QTMAN: variants seen among roughly 807,000 people sequenced by gnomAD.
QTMAN encodes tRNA-queuosine alpha-mannosyltransferase.
the QTMAN span, among the ~76,000 whole-genome samples, chr2:144,004,409 C>T: frequency 1.3e-5 from 2 of 151,926 alleles, no homozygotes; most frequent in Admixed American, 1.3e-4. Flanking sequence ...TTGATGAATG[C>T]TGAACCAGAA....
the QTMAN span, among the ~76,000 whole-genome samples, chr2:143,978,828 T>A: frequency 6.6e-6 from 1 of 152,342 alleles, no homozygotes; most frequent in East Asian, 1.9e-4. Context: ...GGCTGTAAAT[T>A]CAAACTGACT....
the QTMAN span, among the ~76,000 whole-genome samples, chr2:144,282,537 G>A: frequency 6.6e-6 from 1 of 151,940 alleles, no homozygotes; most frequent in African/African-American, 2.4e-5. Context: ...TGAGGCTAGG[G>A]AAAGGAGAAT....
the QTMAN span, among the ~76,000 whole-genome samples, chr2:144,162,564 A>G: frequency 2.0e-5 from 3 of 152,152 alleles, no homozygotes; most frequent in Non-Finnish European, 1.5e-5. Flanking sequence ...TCAGGGGAAA[A>G]AAACAAAGAG....
chr2:144,271,600 A>G, the QTMAN span, among the ~76,000 whole-genome samples: 2 of 152,168 alleles, frequency 1.3e-5, no homozygotes, highest in African/African-American at 4.8e-5. Context: ...TAATATAAAT[A>G]ATTACATGTA....
the QTMAN span, among the ~76,000 whole-genome samples, chr2:144,297,560 T>G: frequency 2.0e-5 from 3 of 150,946 alleles, no homozygotes; most frequent in Non-Finnish European, 4.4e-5. Context: ...CCCAGACCTT[T>G]GGGAGCAGGA....
chr2:144,189,078 A>G, the QTMAN span, among the ~76,000 whole-genome samples: 1 of 152,218 alleles, frequency 6.6e-6, no homozygotes, highest in Non-Finnish European at 1.5e-5. Flanking sequence ...CTAGGCCCAG[A>G]CTGTACACTT....
chr2:144,045,137 C>G, the QTMAN span, among the ~76,000 whole-genome samples: 3 of 152,172 alleles, frequency 2.0e-5, no homozygotes, highest in Non-Finnish European at 2.9e-5. Flanking sequence ...ATTTTAAAGA[C>G]GAAGTTCCAC....
chr2:144,067,814 T>C, the QTMAN span, among the ~76,000 whole-genome samples: 6 of 152,220 alleles, frequency 3.9e-5, no homozygotes, highest in Admixed American at 6.5e-5. Context: ...AGAAAGCACA[T>C]GCCACACGTT....
the QTMAN span, among the ~76,000 whole-genome samples, chr2:144,027,297 T>C: frequency 6.6e-6 from 1 of 152,250 alleles, no homozygotes; most frequent in African/African-American, 2.4e-5. Flanking sequence ...CACAGCATTA[T>C]ATTACGTTGT....
chr2:144,007,676 G>A, the QTMAN span: 12 of 577,336 alleles, frequency 2.1e-5, no homozygotes, highest in South Asian at 3.7e-4. Context: ...CAGAAAAAGT[G>A]TAAAAAGTAG....
At chr2:144,008,306 C>T in the QTMAN span, among the ~76,000 whole-genome samples, 1 of 151,876 alleles carries the variant, frequency 6.6e-6, no homozygotes, top group Non-Finnish European at 1.5e-5. Flanking sequence ...ACATACTATA[C>T]ATACAATGGC....
At chr2:143,952,621 T>C in the QTMAN span, 1 of 652,100 alleles carries the variant, frequency 1.5e-6, no homozygotes, top group Non-Finnish European at 2.8e-6. Flanking sequence ...CTTACTCTAA[T>C]GTATTAAAAC....
At chr2:144,222,729 A>G in the QTMAN span, among the ~76,000 whole-genome samples, 6 of 152,020 alleles carry the variant, frequency 3.9e-5, no homozygotes, top group African/African-American at 1.4e-4. Context: ...AATGGAGTGA[A>G]CCCAGGAGGC....
At chr2:144,293,217 G>C in the QTMAN span, among the ~76,000 whole-genome samples, 1 of 152,080 alleles carries the variant, frequency 6.6e-6, no homozygotes, top group Non-Finnish European at 1.5e-5. Context: ...TACAAAAAGA[G>C]AAAAACCATA....
the QTMAN span, among the ~76,000 whole-genome samples, chr2:144,092,029 T>C: frequency 1.3e-5 from 2 of 152,076 alleles, no homozygotes; most frequent in African/African-American, 4.8e-5. Context: ...GAATGTGAAT[T>C]GGGATAGAAG....
the QTMAN span, among the ~76,000 whole-genome samples, chr2:144,194,869 G>C: frequency 6.6e-6 from 1 of 152,076 alleles, no homozygotes; most frequent in African/African-American, 2.4e-5. Flanking sequence ...GTGACTCATA[G>C]ATAAATCTGG....
At chr2:144,069,224 A>C in the QTMAN span, among the ~76,000 whole-genome samples, 2 of 151,844 alleles carry the variant, frequency 1.3e-5, no homozygotes, top group African/African-American at 4.8e-5. Context: ...ACACTGTTTT[A>C]AAAAGGGCAT....
the QTMAN span, chr2:144,235,798 T>A: frequency 6.6e-6 from 1 of 152,494 alleles, no homozygotes; most frequent in East Asian, 1.9e-4. Flanking sequence ...GAATTCTCAA[T>A]CTTGAGCTGG....
chr2:144,283,057 T>A, the QTMAN span, among the ~76,000 whole-genome samples: 2 of 152,210 alleles, frequency 1.3e-5, no homozygotes, highest in Non-Finnish European at 2.9e-5. Context: ...ATCTGGCTGA[T>A]CTGGCCGTTC....
Sources: allele counts gnomAD v4.1 joint callset (sites outside exome capture counted in the v4.1 genomes callset), GRCh38; gene constraint gnomAD v4.1.1; transcripts MANE v1.5; gene names NCBI Gene and HGNC (gene_info 2026-07-23, HGNC 2026-07-21).